Variants in RALYL observed in about 807,000 individuals in gnomAD.
RALYL encodes the protein RALY RNA binding protein like.
In RALYL, 29 loss-of-function variants were observed where a neutral mutation model predicts 35.1. The observed-to-expected ratio is 0.83, with a 90% CI of 0.61 to 1.13. The LOEUF is 1.13. Among genes scored for constraint, RALYL ranks in the 50% most tolerant of loss-of-function variants. The pLI, the probability that RALYL is intolerant of heterozygous loss-of-function variation, is 0.00. For synonymous variants in RALYL, 120 were observed against 127.6 expected, an observed-to-expected ratio of 0.94 and a Z score of 0.40; for missense variants, 359 against 360.4, an observed-to-expected ratio of 1.00 and a Z score of 0.03.
intron 2 of RALYL, among the ~76,000 whole-genome samples, chr8:84,617,364 G>A (rs1588538602): frequency 6.7e-6 from 1 of 150,322 alleles, no homozygotes; most frequent in Middle Eastern, 3.4e-3. Flanking sequence ...ATTGTGAATG[G>A]GAGTTCACTC....
chr8:84,376,508 A>G (rs1240999777), intron 1 of RALYL, among the ~76,000 whole-genome samples: 3 of 151,892 alleles, frequency 2.0e-5, no homozygotes, highest in African/African-American at 7.2e-5. Flanking sequence ...TAAGAGAAAG[A>G]CAGAAATCTG....
chr8:84,223,162 C>T (rs1401613050), intron 1 of RALYL, among the ~76,000 whole-genome samples: 117 of 108,718 alleles, frequency 1.1e-3, no homozygotes, highest in South Asian at 2.3e-3. Context: ...CCTTTCTTTC[C>T]TTCCTCCCTT....
At chr8:84,492,089 G>A (rs1054739370) in intron 1 of RALYL, among the ~76,000 whole-genome samples, 6 of 151,866 alleles carry the variant, frequency 4.0e-5, no homozygotes, top group Non-Finnish European at 8.8e-5. Context: ...ACTTTTTTCA[G>A]TCTTCTAATG....
chr8:84,755,137 G>A (rs957552933), intron 2 of RALYL, among the ~76,000 whole-genome samples: 3 of 152,168 alleles, frequency 2.0e-5, no homozygotes, highest in Non-Finnish European at 4.4e-5. Flanking sequence ...TGAAGTAGCT[G>A]TTGAAACATG....
chr8:84,509,050 G>A (rs2057399154), intron 1 of RALYL, among the ~76,000 whole-genome samples: 1 of 151,986 alleles, frequency 6.6e-6, no homozygotes, highest in Non-Finnish European at 1.5e-5. Flanking sequence ...AATGTACAAA[G>A]CATGTTGACT....
chr8:84,258,392 A>G (rs1831587238), intron 1 of RALYL, among the ~76,000 whole-genome samples: 1 of 152,178 alleles, frequency 6.6e-6, no homozygotes, highest in Non-Finnish European at 1.5e-5. Flanking sequence ...TTACATTGAA[A>G]CAGTAAATAC....
intron 1 of RALYL, among the ~76,000 whole-genome samples, chr8:84,385,056 A>C (rs1405299090): frequency 2.0e-5 from 3 of 151,804 alleles, no homozygotes; most frequent in Non-Finnish European, 2.9e-5. Flanking sequence ...TTCCACCCCC[A>C]CAAAGTCCAG....
intron 4 of RALYL, among the ~76,000 whole-genome samples, chr8:84,821,853 A>T (rs1314098638): frequency 1.3e-5 from 2 of 152,196 alleles, no homozygotes; most frequent in Non-Finnish European, 2.9e-5. Flanking sequence ...ATATTTTGGC[A>T]TGCTAACTAA....
chr8:84,668,506 G>A (rs762956774), intron 2 of RALYL, among the ~76,000 whole-genome samples: 3 of 152,116 alleles, frequency 2.0e-5, no homozygotes, highest in Non-Finnish European at 2.9e-5. Context: ...GGTGGTTAGA[G>A]TATAGAGTGC....
At chr8:84,816,639 G>A (rs1329162491) in intron 4 of RALYL, among the ~76,000 whole-genome samples, 4 of 152,048 alleles carry the variant, frequency 2.6e-5, no homozygotes, top group South Asian at 2.1e-4. Context: ...GGGCAGGGGC[G>A]GGGGTATGGT....
At chr8:84,908,704 T>C (rs1846966224) in intron 8 of RALYL, among the ~76,000 whole-genome samples, 1 of 152,266 alleles carries the variant, frequency 6.6e-6, no homozygotes, top group African/African-American at 2.4e-5. Flanking sequence ...ATATTTTTAA[T>C]GAATCTTCCC....
At chr8:84,399,323 C>T (rs2042663897) in intron 1 of RALYL, among the ~76,000 whole-genome samples, 1 of 152,202 alleles carries the variant, frequency 6.6e-6, no homozygotes, top group South Asian at 2.1e-4. Context: ...TATAGCTAGA[C>T]AGTTACATGG....
intron 1 of RALYL, among the ~76,000 whole-genome samples, chr8:84,405,912 C>T (rs1396928737): frequency 4.5e-4 from 67 of 148,488 alleles, no homozygotes; most frequent in African/African-American, 1.3e-3. Flanking sequence ...CTCTGCCTCC[C>T]GGGTTCACGC....
intron 3 of RALYL, among the ~76,000 whole-genome samples, chr8:84,797,719 A>G (rs1413225624): frequency 6.6e-6 from 1 of 152,230 alleles, no homozygotes; most frequent in Admixed American, 6.5e-5. Flanking sequence ...TTCAAACATC[A>G]CTAGATTTGG....
At chr8:84,915,677 A>G (rs1848353876) in intron 8 of RALYL, among the ~76,000 whole-genome samples, 1 of 152,092 alleles carries the variant, frequency 6.6e-6, no homozygotes, top group Non-Finnish European at 1.5e-5. Flanking sequence ...AGATCACTGT[A>G]CGATACTAAT....
At chr8:84,794,253 C>T (rs1345977603) in intron 3 of RALYL, among the ~76,000 whole-genome samples, 3 of 152,210 alleles carry the variant, frequency 2.0e-5, no homozygotes, top group Non-Finnish European at 4.4e-5. Context: ...AGTATTGACT[C>T]TTATATCTTC....
chr8:84,484,233 G>A (rs2054359141), intron 1 of RALYL, among the ~76,000 whole-genome samples: 2 of 152,092 alleles, frequency 1.3e-5, no homozygotes, highest in African/African-American at 4.8e-5. Context: ...TTTATTGAGT[G>A]TGTCTGCTCT....
At chr8:84,816,581 A>G (rs1827344126) in intron 4 of RALYL, among the ~76,000 whole-genome samples, 1 of 152,096 alleles carries the variant, frequency 6.6e-6, no homozygotes, top group African/African-American at 2.4e-5. Flanking sequence ...ATCTCACAAT[A>G]TATTATTTCC....
intron 2 of RALYL, among the ~76,000 whole-genome samples, chr8:84,751,247 A>G (rs1018485651): frequency 1.3e-5 from 2 of 151,844 alleles, no homozygotes; most frequent in Non-Finnish European, 2.9e-5. Flanking sequence ...TCATTCTATC[A>G]CCCAGGCTAG....
Sources: allele counts gnomAD v4.1 joint callset (sites outside exome capture counted in the v4.1 genomes callset), GRCh38; gene constraint gnomAD v4.1.1; transcripts MANE v1.5; gene names NCBI Gene and HGNC (gene_info 2026-07-23, HGNC 2026-07-21).